Variants in RANBP2 observed in about 807,000 individuals in gnomAD.
RANBP2 encodes the protein E3 SUMO-protein ligase RanBP2.
A neutral mutation model predicts 303.6 loss-of-function variants in RANBP2; 57 were observed. The ratio of observed to expected loss-of-function variants is 0.19; its 90% CI spans 0.15 to 0.23. The LOEUF is 0.23. RANBP2 is among the 10% of genes least tolerant of loss of function. The pLI is 1.00. For synonymous variants in RANBP2, 1,167 were observed against 1,301.5 expected (o/e 0.90, Z 2.23); for missense variants, 3,138 against 3,780.8 (o/e 0.83, Z 4.46).
At chr2:109,037,655 A>G in the RANBP2 span, among the ~76,000 whole-genome samples, 1 of 152,220 alleles carries the variant, frequency 6.6e-6, no homozygotes, top group Non-Finnish European at 1.5e-5. Flanking sequence ...ATTTCTATAT[A>G]TTAACAATGA....
the RANBP2 span, among the ~76,000 whole-genome samples, chr2:109,121,752 A>G: frequency 2.0e-5 from 3 of 152,158 alleles, no homozygotes; most frequent in East Asian, 1.9e-4. Context: ...ACCTCCAGGA[A>G]AATGACTCCC....
chr2:108,958,594 C>T, the RANBP2 span, among the ~76,000 whole-genome samples: 18 of 152,038 alleles, frequency 1.2e-4, no homozygotes, highest in African/African-American at 3.1e-4. Context: ...ACCCCATGGC[C>T]GCCCTATTGC....
At chr2:109,435,432 A>G in the RANBP2 span, among the ~76,000 whole-genome samples, 5,308 of 152,344 alleles carry the variant, frequency 0.035, 281 homozygotes, top group African/African-American at 0.11. Flanking sequence ...TCCTTCCTGC[A>G]TAGACCTGGA....
chr2:109,111,550 T>C, the RANBP2 span, among the ~76,000 whole-genome samples: 4 of 152,106 alleles, frequency 2.6e-5, no homozygotes, highest in African/African-American at 4.8e-5. Flanking sequence ...ATCTCTACAA[T>C]GGTGTTGCAA....
chr2:109,538,609 T>A, the RANBP2 span, among the ~76,000 whole-genome samples: 2,579 of 152,346 alleles, frequency 0.017, 65 homozygotes, highest in African/African-American at 0.058. Flanking sequence ...GGCCTCTGCC[T>A]CCCAGGTTCA....
At chr2:108,886,982 A>T in the RANBP2 span, among the ~76,000 whole-genome samples, 1 of 151,992 alleles carries the variant, frequency 6.6e-6, no homozygotes, top group Non-Finnish European at 1.5e-5. Flanking sequence ...AGTTTTCCCT[A>T]GGCTTTCTTA....
At chr2:109,480,327 G>A in the RANBP2 span, among the ~76,000 whole-genome samples, 6 of 152,272 alleles carry the variant, frequency 3.9e-5, 1 homozygote, top group African/African-American at 7.2e-5. Context: ...AGGTGCTGTC[G>A]CTATCCCCAG....
At chr2:108,890,131 T>C in the RANBP2 span, among the ~76,000 whole-genome samples, 1 of 10,288 alleles carries the variant, frequency 9.7e-5, no homozygotes, top group East Asian at 0.12. Context: ...TGGCTGACAT[T>C]TTTTTTTTTT....
At chr2:108,866,844 C>T in the RANBP2 span, among the ~76,000 whole-genome samples, 990 of 151,208 alleles carry the variant, frequency 6.5e-3, 10 homozygotes, top group African/African-American at 0.023. Context: ...GATCACGCCA[C>T]GGCACTCCAG....
chr2:109,113,712 C>G, the RANBP2 span, among the ~76,000 whole-genome samples: 1 of 152,146 alleles, frequency 6.6e-6, no homozygotes, highest in Non-Finnish European at 1.5e-5. Flanking sequence ...TGTCTTGTGC[C>G]AGTTTTCAAA....
chr2:108,780,619 C>A (rs1678189775), intron 25 of RANBP2, among the ~76,000 whole-genome samples: 1 of 151,380 alleles, frequency 6.6e-6, no homozygotes, highest in Non-Finnish European at 1.5e-5. Flanking sequence ...AACTTCTGCC[C>A]CCCAGGTTGA....
At chr2:108,758,846 T>TTA (rs1676518577) in intron 18 of RANBP2, among the ~76,000 whole-genome samples, 1 of 151,798 alleles carries the variant, frequency 6.6e-6, no homozygotes, top group Non-Finnish European at 1.5e-5. Flanking sequence ...ATGAATAGAG[T>TTA]TATGCACTAA....
the RANBP2 span, among the ~76,000 whole-genome samples, chr2:109,221,563 C>G: frequency 2.3e-5 from 3 of 133,168 alleles, no homozygotes; most frequent in African/African-American, 8.9e-5. Flanking sequence ...GCCTGGGTGA[C>G]AGGGTGAGAC....
the RANBP2 span, among the ~76,000 whole-genome samples, chr2:109,136,655 C>G: frequency 6.6e-6 from 1 of 152,150 alleles, no homozygotes; most frequent in African/African-American, 2.4e-5. Context: ...AGAGTCACTG[C>G]GCTCTTGGGT....
At chr2:109,353,764 G>A in the RANBP2 span, among the ~76,000 whole-genome samples, 23 of 152,350 alleles carry the variant, frequency 1.5e-4, no homozygotes, top group South Asian at 4.8e-3. Flanking sequence ...GACAAGACGA[G>A]AGAGTCTCCC....
the RANBP2 span, among the ~76,000 whole-genome samples, chr2:108,902,803 T>C: frequency 6.6e-6 from 1 of 152,204 alleles, no homozygotes; most frequent in Non-Finnish European, 1.5e-5. Context: ...TTATACTTAA[T>C]GGTGAAAAAT....
At chr2:109,022,217 G>T in the RANBP2 span, among the ~76,000 whole-genome samples, 1 of 152,204 alleles carries the variant, frequency 6.6e-6, no homozygotes, top group Non-Finnish European at 1.5e-5. Context: ...TGCGAAGTGG[G>T]GTGCCTGCAG....
At chr2:109,230,597 G>A in the RANBP2 span, among the ~76,000 whole-genome samples, 1 of 152,126 alleles carries the variant, frequency 6.6e-6, no homozygotes, top group African/African-American at 2.4e-5. Context: ...AAATAGGAAA[G>A]AAAAGAAACT....
At chr2:108,789,961 T>A (rs1296046065), downstream of RANBP2, among the ~76,000 whole-genome samples, 1 of 152,204 alleles carries the variant, frequency 6.6e-6, no homozygotes, top group Non-Finnish European at 1.5e-5. Flanking sequence ...ATATATAACA[T>A]GAAATGTTGA....
Sources: allele counts gnomAD v4.1 joint callset (sites outside exome capture counted in the v4.1 genomes callset), GRCh38; gene constraint gnomAD v4.1.1; transcripts MANE v1.5; gene names NCBI Gene and HGNC (gene_info 2026-07-23, HGNC 2026-07-21).